Variants in MYO16 observed in about 807,000 individuals in gnomAD.
The protein encoded by MYO16 is myosin XVI, also known as unconventional myosin-XVI.
Under a neutral mutation model 205.3 loss-of-function variants are expected in MYO16, and 94 were observed. The ratio of observed to expected loss-of-function variants is 0.46; its 90% CI spans 0.39 to 0.54. The LOEUF is 0.54. MYO16 is among the 20% of genes least tolerant of loss of function. MYO16 has a pLI of 0.00. For missense variants in MYO16, 2,315 were observed against 2,387.5 expected, an observed-to-expected ratio of 0.97 and a Z score of 0.63; for synonymous variants, 988 against 954.0, an observed-to-expected ratio of 1.04 and a Z score of -0.66.
At chr13:109,113,491 G>A (rs1307713422) in intron 28 of MYO16, among the ~76,000 whole-genome samples, 1 of 152,168 alleles carries the variant, frequency 6.6e-6, no homozygotes, top group Admixed American at 6.5e-5. Flanking sequence ...GGAACATAAT[G>A]AGATTGATAT....
chr13:108,720,043 G>A (rs1884100959), intron 3 of MYO16, among the ~76,000 whole-genome samples: 1 of 152,174 alleles, frequency 6.6e-6, no homozygotes, highest in Non-Finnish European at 1.5e-5. Flanking sequence ...CAATTGGCTG[G>A]AAGCTGCGGC....
intron 16 of MYO16, among the ~76,000 whole-genome samples, chr13:108,938,948 C>T (rs767007445): frequency 8.5e-5 from 13 of 152,212 alleles, no homozygotes; most frequent in Non-Finnish European, 1.8e-4. Context: ...CTGCAAGACT[C>T]ACCGCTCAGG....
chr13:108,822,995 GTTTT>G, intron 8 of MYO16, 126 bp from the exon 9 acceptor site: 1 of 849,400 alleles, frequency 1.2e-6, no homozygotes, highest in Non-Finnish European at 1.8e-6. Flanking sequence ...AACTTTTAAG[GTTTT>G]TTGTTTTGAT....
chr13:109,076,595 A>T (rs958020973), intron 27 of MYO16, among the ~76,000 whole-genome samples: 1 of 152,096 alleles, frequency 6.6e-6, no homozygotes, highest in Non-Finnish European at 1.5e-5. Flanking sequence ...ACATTCTTCC[A>T]TGCTCCATCT....
rs78265045 is a variant in MYO16, at chr13:108,844,500, A to T, written c.1248+7A>T. On this transcript the variant is annotated splice_region_variant and intron_variant, in intron 10 of 34. Transcript: ENST00000457511. Reference sequence around the variant, plus strand: ...TTCCACCAAACCCGAGCAGGTAATCATGCTTTCACTGTGTGTCTACCAGTA... The same window carrying T: ...TTCCACCAAACCCGAGCAGGTAATCTTGCTTTCACTGTGTGTCTACCAGTA... 6.3e-7 allele frequency: 1 copy of T among 1,599,384 alleles called. No homozygotes were observed. The highest frequency in any genetic ancestry group is 8.5e-7 in the Non-Finnish European group (1 of 1,170,532).
At chr13:108,797,305 T>G (rs967818591) in intron 6 of MYO16, among the ~76,000 whole-genome samples, 1 of 152,168 alleles carries the variant, frequency 6.6e-6, no homozygotes. Context: ...GATCTCTAGA[T>G]GAAAGAAAGA....
rs77534036 is a variant in MYO16, at chr13:109,006,732, T to A, written c.2443-2165T>A. Among the ~76,000 whole-genome samples the A allele has an allele frequency of 3.7e-3, 561 of 152,308 alleles. 4 individuals are homozygous for A. The highest frequency in any genetic ancestry group is 0.013 in the African/African-American group (531 of 41,556). On this transcript the variant is annotated intron_variant, in intron 21 of 34. Coordinates refer to ENST00000457511, the MANE Select transcript of MYO16 (RefSeq NM_001198950.3). ...TTTTTAGTTACTGAGCAGTAAATAT[T>A]TCTAACCGGCTTTAAGTTTTGTCTA...
chr13:109,205,689 C>T (rs1259429569), intron 34 of MYO16, among the ~76,000 whole-genome samples: 1 of 152,064 alleles, frequency 6.6e-6, no homozygotes, highest in Non-Finnish European at 1.5e-5. Context: ...GAAGGGTGAC[C>T]CCAGCTACAT....
chr13:108,589,321 TA>T, the MYO16 span, among the ~76,000 whole-genome samples: 3 of 152,216 alleles, frequency 2.0e-5, no homozygotes, highest in Non-Finnish European at 4.4e-5. Flanking sequence ...TGTTTTGGTA[TA>T]TTTTCATATT....
At chr13:108,961,514 T>G in intron 17 of MYO16, 25 bp from the exon 18 acceptor site, 2 of 1,582,314 alleles carry the variant, frequency 1.3e-6, no homozygotes, top group Non-Finnish European at 1.7e-6. Context: ...ACCCTATTCA[T>G]TCTCTCTGTT....
chr13:108,495,887 C>T, the MYO16 span, among the ~76,000 whole-genome samples: 1 of 151,970 alleles, frequency 6.6e-6, no homozygotes, highest in Non-Finnish European at 1.5e-5. Context: ...ATCGCCGCGT[C>T]GCCTGGCGCC....
intron 27 of MYO16, among the ~76,000 whole-genome samples, chr13:109,059,978 G>A (rs277840): frequency 1 from 152,142 of 152,246 alleles, 76,019 homozygotes; most frequent in Non-Finnish European, 1. Context: ...TTAAAAAGTC[G>A]GAAAACAACA....
intron 1 of MYO16, among the ~76,000 whole-genome samples, chr13:108,598,919 C>T (rs1450489184): frequency 6.6e-6 from 1 of 151,060 alleles, no homozygotes; most frequent in African/African-American, 2.4e-5. Context: ...CATATGTATA[C>T]ATGTGCCATG....
chr13:108,763,712 G>T (rs199569962), intron 4 of MYO16, among the ~76,000 whole-genome samples: 1 of 151,676 alleles, frequency 6.6e-6, no homozygotes, highest in African/African-American at 2.4e-5. Flanking sequence ...TTAGGGTCAG[G>T]GTCCCTAGAA....
intron 28 of MYO16, among the ~76,000 whole-genome samples, chr13:109,106,139 G>A (rs1229024035): frequency 6.6e-6 from 1 of 152,240 alleles, no homozygotes; most frequent in African/African-American, 2.4e-5. Context: ...GCTGTTTTCT[G>A]TCGCAGCAGA....
the MYO16 span, among the ~76,000 whole-genome samples, chr13:108,520,557 C>T: frequency 3.9e-5 from 6 of 152,044 alleles, no homozygotes; most frequent in Admixed American, 2.6e-4. Context: ...TAAAATATGG[C>T]ACATTAAACA....
chr13:109,160,311 G>A (rs1878317990), intron 32 of MYO16, among the ~76,000 whole-genome samples: 5 of 152,154 alleles, frequency 3.3e-5, no homozygotes, highest in Admixed American at 3.3e-4. Context: ...AACATTTAGA[G>A]ATTTGCTCTC....
chr13:109,125,548 T>G lies in MYO16; in HGVS notation c.3782+190T>G, dbSNP rs1388357321. Among the ~76,000 whole-genome samples, 2 of 152,202 alleles carry G rather than the reference T, an allele frequency of 1.3e-5. No homozygotes were observed. The highest frequency in any genetic ancestry group is 4.8e-5 in the African/African-American group (2 of 41,446). On this transcript the variant is annotated intron_variant, in intron 30 of 34. Transcript: ENST00000457511. The surrounding 1 kb of genome is among the most constrained non-coding windows in gnomAD (Gnocchi z 4.0). ...TTTCCTGTGCTGTCTTCTCACGAGT[T>G]CAAGGCTTTCTGTGTTCCTTCATTC...
chr13:109,078,391 A>T (rs1237764446), intron 27 of MYO16, among the ~76,000 whole-genome samples: 2 of 151,984 alleles, frequency 1.3e-5, no homozygotes, highest in African/African-American at 2.4e-5. Context: ...GTGAGCTGAG[A>T]TCTCATGCCA....
Sources: allele counts gnomAD v4.1 joint callset (sites outside exome capture counted in the v4.1 genomes callset), GRCh38; gene constraint gnomAD v4.1.1; non-coding constraint Gnocchi (gnomAD v3.1); transcripts MANE v1.5; gene names NCBI Gene and HGNC (gene_info 2026-07-23, HGNC 2026-07-21).